GRM5: variants seen among roughly 807,000 people sequenced by gnomAD.
The protein encoded by GRM5 is metabotropic glutamate receptor 5.
Under a neutral mutation model 83.1 loss-of-function variants are expected in GRM5, and 19 were observed. The observed-to-expected ratio is 0.23, with a 90% confidence interval of 0.16 to 0.34. The LOEUF (loss-of-function observed/expected upper bound fraction) is 0.34. Ranked by LOEUF, GRM5 falls within the 10% of genes least tolerant of loss-of-function variation. The pLI, the probability that GRM5 is intolerant of heterozygous loss-of-function variation, is 1.00. For missense variants in GRM5, 1,160 were observed against 1,588.3 expected (o/e 0.73, Z 4.58); for synonymous variants, 675 against 633.6 (o/e 1.07, Z -0.98).
At chr11:89,058,546 C>T (rs1357727653) in intron 1 of GRM5, among the ~76,000 whole-genome samples, 1 of 152,154 alleles carries the variant, frequency 6.6e-6, no homozygotes, top group African/African-American at 2.4e-5. Flanking sequence ...CATCTGGACC[C>T]ATCAGTCTTA....
At chr11:89,042,903 A>G (rs915979823) in intron 2 of GRM5, among the ~76,000 whole-genome samples, 9 of 147,576 alleles carry the variant, frequency 6.1e-5, no homozygotes, top group African/African-American at 2.4e-4. Flanking sequence ...TGCTACCAGT[A>G]CAATTTATTG....
chr11:88,701,713 C>G (rs1941040159), intron 3 of GRM5, among the ~76,000 whole-genome samples: 1 of 152,062 alleles, frequency 6.6e-6, no homozygotes, highest in African/African-American at 2.4e-5. Context: ...GGTAGAACAT[C>G]TTGAAGCAGG....
chr11:88,625,133 C>T (rs1261651894), intron 4 of GRM5, among the ~76,000 whole-genome samples: 1 of 152,108 alleles, frequency 6.6e-6, no homozygotes, highest in Non-Finnish European at 1.5e-5. Flanking sequence ...CTCAGATGCA[C>T]ATCTTACAAT....
intron 8 of GRM5, among the ~76,000 whole-genome samples, chr11:88,551,688 G>A (rs921979564): frequency 6.6e-6 from 1 of 152,132 alleles, no homozygotes; most frequent in African/African-American, 2.4e-5. Context: ...CCTTGGGCAA[G>A]CTTCTTTCCC....
At chr11:88,637,411 A>AGTG (rs1258217238) in intron 4 of GRM5, among the ~76,000 whole-genome samples, 4 of 152,032 alleles carry the variant, frequency 2.6e-5, no homozygotes, top group Non-Finnish European at 5.9e-5. Context: ...CTCATCTGAC[A>AGTG]AAGGGCTAAT....
At chr11:88,962,048 T>G (rs1330979543) in intron 2 of GRM5, among the ~76,000 whole-genome samples, 3 of 152,142 alleles carry the variant, frequency 2.0e-5, no homozygotes, top group Admixed American at 2.0e-4. Flanking sequence ...TCAAGGAAAC[T>G]GAGATGCATA....
chr11:88,790,543 A>T (rs138396816), intron 3 of GRM5, among the ~76,000 whole-genome samples: 345 of 152,296 alleles, frequency 2.3e-3, no homozygotes, highest in African/African-American at 7.7e-3. Flanking sequence ...TAATATATAG[A>T]ATAGTACTAG....
chr11:88,867,009 T>G (rs1328434748), intron 2 of GRM5, among the ~76,000 whole-genome samples: 3 of 151,662 alleles, frequency 2.0e-5, no homozygotes, highest in African/African-American at 7.2e-5. Context: ...AAAGATCAGG[T>G]GGTTGTAGGT....
At chr11:88,630,234 C>A (rs1938924684) in intron 4 of GRM5, among the ~76,000 whole-genome samples, 1 of 152,058 alleles carries the variant, frequency 6.6e-6, no homozygotes, top group Non-Finnish European at 1.5e-5. Flanking sequence ...TTTCACTTAT[C>A]TATTTTGTTT....
At chr11:89,025,988 A>G (rs533532368) in intron 2 of GRM5, among the ~76,000 whole-genome samples, 3 of 152,344 alleles carry the variant, frequency 2.0e-5, no homozygotes, top group East Asian at 1.9e-4. Context: ...TACGCAGTGA[A>G]ATACTACACA....
intron 3 of GRM5, among the ~76,000 whole-genome samples, chr11:88,769,373 T>C (rs140894858): frequency 1.9e-4 from 17 of 90,552 alleles, no homozygotes; most frequent in African/African-American, 7.3e-4. Flanking sequence ...TTTATTTCTT[T>C]GTTTTGCCAA....
intron 3 of GRM5, among the ~76,000 whole-genome samples, chr11:88,805,406 G>T (rs7114857): frequency 0.15 from 23,348 of 152,042 alleles, 2,418 homozygotes; most frequent in Non-Finnish European, 0.24. Context: ...TGGCCAGGAT[G>T]GTCTCAATCT....
intron 2 of GRM5, among the ~76,000 whole-genome samples, chr11:88,889,777 G>A (rs1228168280): frequency 6.6e-6 from 1 of 152,080 alleles, no homozygotes; most frequent in East Asian, 1.9e-4. Context: ...TGTGTGAGAG[G>A]CCCTAAGATA....
intron 9 of GRM5, chr11:88,512,177 T>A (rs1288123577): frequency 1.3e-5 from 2 of 154,376 alleles, no homozygotes; most frequent in East Asian, 3.8e-4. Context: ...GAGTGTGTGA[T>A]GAGGAAACCA....
At chr11:88,711,109 T>A (rs573870485) in intron 3 of GRM5, among the ~76,000 whole-genome samples, 1 of 151,996 alleles carries the variant, frequency 6.6e-6, no homozygotes, top group African/African-American at 2.4e-5. Context: ...TTACCAGACC[T>A]AAAACAAAGG....
At chr11:88,995,613 C>T (rs1940161623) in intron 2 of GRM5, among the ~76,000 whole-genome samples, 2 of 149,580 alleles carry the variant, frequency 1.3e-5, no homozygotes, top group African/African-American at 5.0e-5. Context: ...GTGGTGTGCA[C>T]CAATGTTGTA....
At chr11:88,650,307 G>T (rs1939597200) in intron 4 of GRM5, among the ~76,000 whole-genome samples, 1 of 151,920 alleles carries the variant, frequency 6.6e-6, no homozygotes. Flanking sequence ...AATTTATATA[G>T]CTGACAAAGG....
At chr11:88,927,973 C>T (rs188135392) in intron 2 of GRM5, among the ~76,000 whole-genome samples, 426 of 152,104 alleles carry the variant, frequency 2.8e-3, no homozygotes, top group Non-Finnish European at 5.2e-3. Context: ...AAGCAGGGCC[C>T]GGTAGCCCAC....
intron 9 of GRM5, among the ~76,000 whole-genome samples, chr11:88,521,319 A>G (rs1941682204): frequency 6.6e-6 from 1 of 152,158 alleles, no homozygotes; most frequent in South Asian, 2.1e-4. Flanking sequence ...CAGGAGTCTG[A>G]GGCAGGAGAA....
Sources: gnomAD v4.1 joint callset for allele counts (sites outside exome capture counted in the v4.1 genomes callset) on GRCh38, gnomAD v4.1.1 for gene constraint, MANE v1.5 for transcripts, NCBI Gene and HGNC (gene_info 2026-07-23, HGNC 2026-07-21) for gene names.